WNT5A: variants seen among roughly 807,000 people sequenced by gnomAD.
WNT5A encodes the protein protein Wnt-5a.
A neutral mutation model predicts 42.1 loss-of-function variants in WNT5A; 9 were observed. The observed-to-expected ratio is 0.21, with a 90% CI of 0.13 to 0.37. The LOEUF (loss-of-function observed/expected upper bound fraction) is 0.37, where lower values mean the gene tolerates loss of function less well. Among genes scored for constraint, WNT5A ranks in the 10% least tolerant of loss-of-function variants. WNT5A has a pLI of 1.00. For missense variants in WNT5A, 426 were observed against 534.0 expected (o/e 0.80, Z 1.99); for synonymous variants, 210 against 210.0 (o/e 1.00, Z 0.00).
chr3:55,471,883 C>A (rs2051259203), intron 4 of WNT5A, among the ~76,000 whole-genome samples: 1 of 152,192 alleles, frequency 6.6e-6, no homozygotes, highest in Admixed American at 6.5e-5. Flanking sequence ...GAACAGCCAC[C>A]CTCTTCCTCC....
upstream of WNT5A, among the ~76,000 whole-genome samples, chr3:55,494,464 G>A (rs1267711239): frequency 6.6e-6 from 1 of 152,230 alleles, no homozygotes; most frequent in African/African-American, 2.4e-5. Flanking sequence ...AAAGCAGCCA[G>A]CTAATGCTCA....
chr3:55,483,405 A>G lies in WNT5A; in HGVS notation c.7-2487T>C, dbSNP rs763822113. The stretch of plus-strand genomic sequence containing the variant: ...GAGACACTCAAAGAACTCACAGCGA[A>G]CTCACACATACATCGGCTCTGTAGG... On this transcript the variant is annotated intron_variant, in intron 1 of 4. Transcript: ENST00000264634. The surrounding 1 kb of genome is among the most constrained non-coding windows in gnomAD (Gnocchi z 4.2). Among the ~76,000 whole-genome samples, 36 of 152,154 alleles carry G rather than the reference A, an allele frequency of 2.4e-4. No homozygotes were observed. In the Middle Eastern group the frequency reaches 0.01, roughly 43 times the overall value.
the WNT5A span, chr3:55,501,875 C>T: frequency 5.3e-5 from 8 of 152,214 alleles, no homozygotes; most frequent in Non-Finnish European, 1.0e-4. Context: ...TTATTCCTTT[C>T]TGTCCACCTG....
chr3:55,497,360 G>T, the WNT5A span: 1 of 152,232 alleles, frequency 6.6e-6, no homozygotes, highest in African/African-American at 2.4e-5. Context: ...CTGTCCAAAG[G>T]GGGTCCAGCA....
upstream of WNT5A, among the ~76,000 whole-genome samples, chr3:55,494,833 G>A (rs2051699035): frequency 6.6e-6 from 1 of 152,158 alleles, no homozygotes; most frequent in African/African-American, 2.4e-5. Flanking sequence ...CATGGCACCA[G>A]ACCGCCATTA....
Position 55,483,823 on chromosome 3 carries a change from T to G in WNT5A, c.7-2905A>C, listed in dbSNP as rs2051516072. On this transcript the variant is annotated intron_variant, in intron 1 of 4. Coordinates refer to ENST00000264634, the MANE Select transcript of WNT5A (RefSeq NM_003392.7). The surrounding 1 kb of genome is among the most constrained non-coding windows in gnomAD (Gnocchi z 4.2). Reference sequence around the variant, plus strand: ...CTTGATCCTTCTTTACCAACCACGGTGCGGGCCAGGCGTGATGAGGGATGA... The same window carrying G: ...CTTGATCCTTCTTTACCAACCACGGGGCGGGCCAGGCGTGATGAGGGATGA... Among the ~76,000 whole-genome samples, 1 of 152,066 alleles carries G rather than the reference T, an allele frequency of 6.6e-6. No individual in the cohort carries two copies. Among genetic ancestry groups the G allele is most frequent in the Non-Finnish European group, 1.5e-5 (1 of 68,014 alleles).
At chr3:55,484,685 TACACACACACAC>T (rs67013864) in intron 1 of WNT5A, among the ~76,000 whole-genome samples, 1,646 of 137,986 alleles carry the variant, frequency 0.012, 28 homozygotes, top group African/African-American at 0.03. Context: ...GGCCCCAGGA[TACACACACACAC>T]ACACACACAC....
At chr3:55,500,015 C>T in the WNT5A span, among the ~76,000 whole-genome samples, 1 of 151,150 alleles carries the variant, frequency 6.6e-6, no homozygotes, top group Admixed American at 6.6e-5. Flanking sequence ...ATTAAATTAA[C>T]TAGATTTTTC....
In WNT5A at chr3:55,479,350, C is replaced by T. The variant is rs774776699; in HGVS notation, c.355G>A (p.Asp119Asn). The change falls in exon 3 of 5, where the codon GAT becomes AAT. Residue 119 changes from aspartate (D) to asparagine (N), a missense_variant. Physicochemically the swap from Asp to Asn is conservative, Grantham distance 23. This residue lies in a region of WNT5A where 358 missense variants were observed against 468.1 expected (regional missense o/e 0.76). Coordinates refer to ENST00000264634, the MANE Select transcript of WNT5A (RefSeq NM_003392.7). ...ACCCTGCCAAAAACAGAGGTGTTAT[C>T]CACAGTGCTGCAGTTCCACCTTCGA... ...RHRRWNCSTVDNTSVFGRVMQ... is the reference protein window; with the variant it reads ...RHRRWNCSTVNNTSVFGRVMQ... The T allele has an allele frequency of 1.9e-6, 3 of 1,608,038 alleles. No individual in the cohort carries two copies. Among genetic ancestry groups the T allele is most frequent in the Admixed American group, 1.7e-5 (1 of 59,760 alleles).
rs2051153915 is a variant in WNT5A at position 55,466,949 on chromosome 3, G to T, written c.*3143C>A. ...ACAAGGTTATCCGGAAAGAGAAAAAGCAAAGGCTAATGTATCAATCTGTGG... is the reference window on the plus strand; with the variant it reads ...ACAAGGTTATCCGGAAAGAGAAAAATCAAAGGCTAATGTATCAATCTGTGG... On this transcript the variant is annotated 3_prime_UTR_variant, in exon 5 of 5. Transcript: ENST00000264634. 1 of 152,304 alleles carries T rather than the reference G, an allele frequency of 6.6e-6. No homozygotes were observed. Among genetic ancestry groups the T allele is most frequent in the South Asian group, 2.1e-4 (1 of 4,832 alleles). The allele number at this position is 152,304 out of a possible 1,614,324, so 9.4% of individuals were successfully genotyped here. A position where few individuals can be genotyped will look rare whatever the true frequency, so the allele number is the denominator to read the frequency against.
In WNT5A at chr3:55,472,285, C is replaced by T. The variant is rs565421357; in HGVS notation, c.685-1735G>A. Among the ~76,000 whole-genome samples, 20 of 152,292 alleles carry T rather than the reference C, an allele frequency of 1.3e-4. No homozygotes were observed. In the South Asian group the frequency reaches 1.7e-3, roughly 13 times the overall value. On this transcript the variant is annotated intron_variant, in intron 4 of 4. Coordinates refer to ENST00000264634, the MANE Select transcript of WNT5A (RefSeq NM_003392.7). The stretch of plus-strand genomic sequence containing the variant: ...CTTGCCACTTGGAAATCCCTTGACC[C>T]GCTCTTCTTGGTTGCCAAGCCTCTG...
rs961757574 is a variant in WNT5A at position 55,470,251 on chromosome 3, C to T, written c.984G>A (p.Thr328=). 6 of 1,613,988 alleles carry T rather than the reference C, an allele frequency of 3.7e-6. No individual in the cohort carries two copies. The highest frequency in any genetic ancestry group is 1.3e-5 in the African/African-American group (1 of 74,948). The part of the protein sequence containing the change: ...LGTQGRLCNK[T]SEGMDGCELM... ...GCTCGCAGCCATCCATGCCCTCCGA[C>T]GTCTTGTTGCACAGGCGGCCCTGCG... The change falls in exon 5 of 5, where the codon ACG becomes ACA. Residue 328 remains threonine (T), a synonymous_variant. Coordinates refer to ENST00000264634, the MANE Select transcript of WNT5A (RefSeq NM_003392.7).
In WNT5A at chr3:55,470,429, T is replaced by C; in HGVS notation, c.806A>G (p.Lys269Arg). ...CCGCATGGCCGCCGCGCTGTCGTAC[T>C]TCTCCTTCAGGGCATCACCCACCTT... ...FRKVGDALKE[K>R]YDSAAAMRLN... Residue 269 changes from lysine (K) to arginine (R), a missense_variant, in exon 5 of 5, where the codon AAG (lysine) becomes AGG (arginine). Physicochemically the swap from Lys to Arg is conservative, Grantham distance 26. Around this residue, in one of 3 missense-constraint regions of WNT5A, gnomAD observed 358 missense variants for 468.1 expected, o/e 0.76. Transcript: ENST00000264634. 6.2e-7 allele frequency: 1 copy of C among 1,612,782 alleles called. No individual in the cohort carries two copies. The highest frequency in any genetic ancestry group is 1.3e-5 in the African/African-American group (1 of 75,050).
intron 1 of WNT5A, among the ~76,000 whole-genome samples, chr3:55,482,792 C>A (rs191738819): frequency 6.6e-6 from 1 of 152,084 alleles, no homozygotes; most frequent in East Asian, 1.9e-4. Flanking sequence ...TGTCAAATTT[C>A]CTCCAGGGGA....
upstream of WNT5A, among the ~76,000 whole-genome samples, chr3:55,494,740 T>C (rs2051697460): frequency 6.6e-6 from 1 of 152,192 alleles, no homozygotes; most frequent in Admixed American, 6.5e-5. Context: ...CGTTTCACCA[T>C]GTTGGCCAGG....
the WNT5A span, chr3:55,501,811 C>A: frequency 6.6e-6 from 1 of 152,210 alleles, no homozygotes. Context: ...TTAATGACCC[C>A]TCTTGTCCAA....
chr3:55,474,624 G>A lies in WNT5A; in HGVS notation c.397C>T (p.Arg133Cys). 2.1e-6 allele frequency: 3 copies of A among 1,426,132 alleles called. No homozygotes were observed. Among genetic ancestry groups the A allele is most frequent in the Non-Finnish European group, 2.7e-6 (3 of 1,094,430 alleles). 88.3% of individuals were successfully genotyped at this position (1,426,132 alleles called of 1,614,324 possible). ...VFGRVMQIGS[R>C]ETAFTYAVSA... Reference sequence around the variant, plus strand: ...ACCGCGTATGTGAAGGCCGTCTCGCGGCTGCCTGTGGGTGAGGACAAGGGA... The same window carrying A: ...ACCGCGTATGTGAAGGCCGTCTCGCAGCTGCCTGTGGGTGAGGACAAGGGA... Residue 133 changes from arginine to cysteine, a missense_variant, in exon 4 of 5, where the codon CGC becomes TGC. Arg to Cys is a radical substitution (Grantham distance 180). Transcript: ENST00000264634.
Position 55,483,049 on chromosome 3 carries a change from CAG to C in WNT5A, c.7-2133_7-2132del, listed in dbSNP as rs2051500656. ...GGCGCGTGGGGCGGGGCTCAAGCAG[CAG>C]AGAAATTGATAACAGATTCGGCGGA... On this transcript the variant is annotated intron_variant, in intron 1 of 4. Transcript: ENST00000264634. This position sits in a 1 kb window ranked among gnomAD's most constrained non-coding sequence, Gnocchi z 4.2. 6.6e-6 allele frequency among the ~76,000 whole-genome samples: 1 copy of C among 152,232 alleles called. No individual in the cohort carries two copies.
At chr3:55,485,857 G>T (rs540657375) in intron 1 of WNT5A, among the ~76,000 whole-genome samples, 21 of 151,882 alleles carry the variant, frequency 1.4e-4, no homozygotes, top group African/African-American at 3.4e-4. Flanking sequence ...TTTTGTTGTT[G>T]TTTTTTTTAA....
Sources: allele counts gnomAD v4.1 joint callset (sites outside exome capture counted in the v4.1 genomes callset), GRCh38; gene constraint gnomAD v4.1.1; regional missense constraint gnomAD v4.1.1; non-coding constraint Gnocchi (gnomAD v3.1); transcripts MANE v1.5; gene names NCBI Gene and HGNC (gene_info 2026-07-23, HGNC 2026-07-21).